COMMD10: variants seen among roughly 807,000 people sequenced by gnomAD.
COMMD10 encodes COMM domain containing 10.
COMMD10 carries 33 observed loss-of-function variants against 28.9 expected under a neutral mutation model. The observed-to-expected ratio is 1.14, with a 90% confidence interval of 0.87 to 1.53. The LOEUF (loss-of-function observed/expected upper bound fraction) is 1.53. Among genes scored for constraint, COMMD10 ranks in the 40% most tolerant of loss-of-function variants. COMMD10 has a pLI of 0.00. For missense variants in COMMD10, 310 were observed against 233.4 expected (o/e 1.33, Z -2.14); for synonymous variants, 110 against 81.7 (o/e 1.35, Z -1.87).
intron 5 of COMMD10, among the ~76,000 whole-genome samples, chr5:116,257,713 G>T (rs977425954): frequency 2.0e-5 from 3 of 151,588 alleles, no homozygotes; most frequent in Admixed American, 6.6e-5. Context: ...TAATTTTTCA[G>T]AAAGAAATAA....
chr5:116,199,695 T>C (rs985266871), intron 5 of COMMD10, among the ~76,000 whole-genome samples: 1 of 152,158 alleles, frequency 6.6e-6, no homozygotes, highest in Non-Finnish European at 1.5e-5. Context: ...AAAACATTTC[T>C]TGTGAGGCAG....
rs1333529971 is a variant in COMMD10, at chr5:116,285,490, T to G, written c.511-6027T>G. 2.0e-5 allele frequency among the ~76,000 whole-genome samples: 3 copies of G among 151,924 alleles called. No individual in the cohort carries two copies. The East Asian group carries it at 5.8e-4, about 29-fold the overall frequency. On this transcript the variant is annotated intron_variant, in intron 5 of 6. Transcript: ENST00000274458. Reference sequence around the variant, plus strand: ...AGTATATGCTGTCTACAAATAGACATGAAACACTTACCACTGCTGTATTCC... The same window carrying G: ...AGTATATGCTGTCTACAAATAGACAGGAAACACTTACCACTGCTGTATTCC...
intron 5 of COMMD10, among the ~76,000 whole-genome samples, chr5:116,144,919 G>T (rs1226075835): frequency 6.6e-6 from 1 of 151,782 alleles, no homozygotes; most frequent in South Asian, 2.1e-4. Flanking sequence ...GGGAGAAAAT[G>T]ATGCAGAATG....
intron 5 of COMMD10, among the ~76,000 whole-genome samples, chr5:116,270,634 A>G (rs367832606): frequency 3.3e-5 from 5 of 151,818 alleles, no homozygotes; most frequent in African/African-American, 9.7e-5. Flanking sequence ...TTCCCATTAT[A>G]TAAAGGTTAT....
rs538859770 is a variant in COMMD10 at position 116,265,142 on chromosome 5, C to T, written c.511-26375C>T. 7.2e-5 allele frequency among the ~76,000 whole-genome samples: 11 copies of T among 151,830 alleles called. No homozygotes were observed. The South Asian group carries it at 2.3e-3, about 31-fold the overall frequency. On this transcript the variant is annotated intron_variant, in intron 5 of 6. Coordinates refer to ENST00000274458, the MANE Select transcript of COMMD10 (RefSeq NM_016144.4). The stretch of plus-strand genomic sequence containing the variant: ...GGTCTGTGTTCAAGAGACATTACAT[C>T]TAAAGAGAGCTAGAAATTGCAATTT...
chr5:116,228,674 A>T (rs895750226), intron 5 of COMMD10, among the ~76,000 whole-genome samples: 2 of 151,932 alleles, frequency 1.3e-5, no homozygotes, highest in Non-Finnish European at 2.9e-5. Flanking sequence ...TTTCATGAAT[A>T]TTAGGATTGT....
intron 5 of COMMD10, among the ~76,000 whole-genome samples, chr5:116,193,826 A>G (rs900420043): frequency 2.0e-5 from 3 of 152,174 alleles, no homozygotes; most frequent in South Asian, 4.1e-4. Flanking sequence ...TAGCAGATAC[A>G]TGCAGAACAT....
chr5:116,154,010 C>G (rs1210156136), intron 5 of COMMD10, among the ~76,000 whole-genome samples: 1 of 152,040 alleles, frequency 6.6e-6, no homozygotes. Context: ...CTTAGCCACT[C>G]AACCACAATA....
intron 5 of COMMD10, among the ~76,000 whole-genome samples, chr5:116,200,367 G>T (rs1291155584): frequency 6.6e-6 from 1 of 151,798 alleles, no homozygotes; most frequent in Non-Finnish European, 1.5e-5. Flanking sequence ...CTTTATCTTC[G>T]ATTTTCTGTA....
chr5:116,122,221 C>A (rs950227084), intron 4 of COMMD10, among the ~76,000 whole-genome samples: 88 of 152,174 alleles, frequency 5.8e-4, no homozygotes, highest in African/African-American at 8.9e-4. Context: ...TTTCCCAGCA[C>A]CATTTATTAA....
At chr5:116,242,425 A>G (rs1415692851) in intron 5 of COMMD10, among the ~76,000 whole-genome samples, 3 of 152,188 alleles carry the variant, frequency 2.0e-5, no homozygotes, top group East Asian at 3.8e-4. Flanking sequence ...CGTGCAAGTC[A>G]TTTTAACAGT....
intron 5 of COMMD10, among the ~76,000 whole-genome samples, chr5:116,216,499 A>T (rs1051803475): frequency 2.0e-5 from 3 of 152,142 alleles, no homozygotes; most frequent in African/African-American, 7.2e-5. Flanking sequence ...AGCAGATGTT[A>T]CACATGTCTA....
intron 3 of COMMD10, 100 bp downstream of exon 3, chr5:116,091,289 T>C (rs1750292219): frequency 1.8e-6 from 1 of 541,196 alleles, no homozygotes; most frequent in Admixed American, 3.7e-5. Flanking sequence ...TTAAAAAGTA[T>C]GCAAGATGGA....
chr5:116,090,324 T>C (rs901971210), intron 2 of COMMD10, among the ~76,000 whole-genome samples: 2 of 152,182 alleles, frequency 1.3e-5, no homozygotes, highest in Admixed American at 1.3e-4. Context: ...TTTAAAAATA[T>C]TTTACAGTGT....
At chr5:116,102,005 C>A (rs1750681406) in intron 4 of COMMD10, among the ~76,000 whole-genome samples, 1 of 152,104 alleles carries the variant, frequency 6.6e-6, no homozygotes, top group African/African-American at 2.4e-5. Context: ...TCCCATTTTG[C>A]AGGTTTTCTA....
intron 5 of COMMD10, among the ~76,000 whole-genome samples, chr5:116,150,030 T>C (rs922143710): frequency 6.6e-6 from 1 of 152,222 alleles, no homozygotes; most frequent in Non-Finnish European, 1.5e-5. Context: ...AATTAATTTT[T>C]GTATAAGGTG....
At chr5:116,136,096 A>G (rs1752018505) in intron 5 of COMMD10, among the ~76,000 whole-genome samples, 1 of 152,154 alleles carries the variant, frequency 6.6e-6, no homozygotes, top group Non-Finnish European at 1.5e-5. Flanking sequence ...AAATCAATCC[A>G]TTTGTTTTAA....
rs1421091928 is a variant in COMMD10 at position 116,292,484 on chromosome 5, A to G, written c.604A>G (p.Thr202Ala). Reference sequence around the variant, plus strand: ...TATACAAGCACAGCTGGATTCCCTTACATGATGTTTTCGAAGACTGTTTTT... The same window carrying G: ...TATACAAGCACAGCTGGATTCCCTTGCATGATGTTTTCGAAGACTGTTTTT... Reference protein sequence around the residue: ...ETIQAQLDSLT With the variant: ...ETIQAQLDSLA Residue 202 changes from threonine (T) to alanine (A), a missense_variant, in exon 7 of 7, where the codon ACA becomes GCA. Coordinates refer to ENST00000274458, the MANE Select transcript of COMMD10 (RefSeq NM_016144.4). 1 of 1,577,342 alleles carries G rather than the reference A, an allele frequency of 6.3e-7. No homozygotes were observed. Among genetic ancestry groups the G allele is most frequent in the Non-Finnish European group, 8.6e-7 (1 of 1,161,502 alleles).
chr5:116,197,772 A>T (rs751487114), intron 5 of COMMD10, among the ~76,000 whole-genome samples: 3 of 152,156 alleles, frequency 2.0e-5, no homozygotes, highest in Non-Finnish European at 4.4e-5. Flanking sequence ...GTGCAGATTA[A>T]AGTATAGTTC....
Sources: allele counts gnomAD v4.1 joint callset (sites outside exome capture counted in the v4.1 genomes callset), GRCh38; gene constraint gnomAD v4.1.1; transcripts MANE v1.5; gene names NCBI Gene and HGNC (gene_info 2026-07-23, HGNC 2026-07-21).